The following PTPN3 variants were observed in gnomAD, a reference collection of about 807,000 sequenced individuals.
PTPN3 encodes protein tyrosine phosphatase non-receptor type 3, also known as tyrosine-protein phosphatase non-receptor type 3.
A neutral mutation model predicts 132.7 loss-of-function variants in PTPN3; 96 were observed. The ratio of observed to expected loss-of-function variants is 0.72; its 90% confidence interval spans 0.61 to 0.86. The LOEUF (loss-of-function observed/expected upper bound fraction) is 0.86, where lower values mean the gene tolerates loss of function less well. Ranked by LOEUF, PTPN3 falls within the 40% of genes least tolerant of loss-of-function variation. PTPN3 has a pLI of 0.00. For synonymous variants in PTPN3, 398 were observed against 429.0 expected, an observed-to-expected ratio of 0.93 and a Z score of 0.89; for missense variants, 1,125 against 1,159.6, an observed-to-expected ratio of 0.97 and a Z score of 0.43.
rs1053719309 is a variant in PTPN3, at chr9:109,377,358, T to G, written c.*2198A>C. The G allele has an allele frequency of 6.7e-6, 1 of 150,172 alleles. No individual in the cohort carries two copies. Among genetic ancestry groups the G allele is most frequent in the African/African-American group, 2.5e-5 (1 of 40,302 alleles). 9.3% of individuals were successfully genotyped at this position (150,172 alleles called of 1,614,324 possible). On this transcript the variant is annotated 3_prime_UTR_variant, in exon 26 of 26. Transcript: ENST00000374541. Reference sequence around the variant, plus strand: ...GGAAGATCACTTGAGGCCAGGAGTTTGAGACCAGCCTAGGCAACACATCAA... The same window carrying G: ...GGAAGATCACTTGAGGCCAGGAGTTGGAGACCAGCCTAGGCAACACATCAA...
upstream of PTPN3, among the ~76,000 whole-genome samples, chr9:109,498,603 G>T (rs188301240): frequency 8.3e-4 from 127 of 152,252 alleles, no homozygotes; most frequent in African/African-American, 2.9e-3. The surrounding 1 kb of genome is among the most constrained non-coding windows in gnomAD (Gnocchi z 4.2). Context: ...AGAAGTCGGC[G>T]CCCAAAGAAA....
chr9:109,479,014 T>G (rs1219585079), intron 1 of PTPN3, among the ~76,000 whole-genome samples: 1 of 152,010 alleles, frequency 6.6e-6, no homozygotes, highest in African/African-American at 2.4e-5. Flanking sequence ...CAAGCGTTTT[T>G]TTTTTTTTTA....
chr9:109,382,390 C>T lies in PTPN3; in HGVS notation c.2440G>A (p.Val814Met). 1 of 1,614,184 alleles carries T rather than the reference C, an allele frequency of 6.2e-7. No homozygotes were observed. Among genetic ancestry groups the T allele is most frequent in the South Asian group, 1.1e-5 (1 of 91,084 alleles). ...AGAAAGTCGGAGGAGTCATCGGGCA[C>T]ACCGTGGTCAGGCCATGCGACGTAC... Reference protein sequence around the residue: ...LQYVAWPDHGVPDDSSDFLEF... With the variant: ...LQYVAWPDHGMPDDSSDFLEF... The change falls in exon 24 of 26, where the codon GTG becomes ATG. Residue 814 changes from valine to methionine, a missense_variant. Physicochemically the swap from Val to Met is conservative, Grantham distance 21 (BLOSUM62 1). Transcript: ENST00000374541.
intron 2 of PTPN3, among the ~76,000 whole-genome samples, chr9:109,461,769 A>C (rs1845853453): frequency 6.6e-6 from 1 of 152,104 alleles, no homozygotes. Flanking sequence ...GAAAAAAAAA[A>C]AAAAATTAGT....
chr9:109,379,787 A>G (rs1377761271), intron 25 of PTPN3, among the ~76,000 whole-genome samples, 154 bp from the exon 26 acceptor site: 1 of 152,178 alleles, frequency 6.6e-6, no homozygotes, highest in Non-Finnish European at 1.5e-5. Flanking sequence ...CCTAGTTCCT[A>G]TATGATGCGG....
intron 14 of PTPN3, among the ~76,000 whole-genome samples, chr9:109,418,219 G>A (rs1192083077): frequency 6.6e-6 from 1 of 152,218 alleles, no homozygotes; most frequent in Non-Finnish European, 1.5e-5. Context: ...CAGCTGGCCT[G>A]GAGGCTCCTG....
intron 14 of PTPN3, among the ~76,000 whole-genome samples, chr9:109,419,122 T>C (rs1385863898): frequency 6.6e-6 from 1 of 152,210 alleles, no homozygotes; most frequent in Non-Finnish European, 1.5e-5. Context: ...GAACAAGAGA[T>C]AGCAATCATT....
At chr9:109,388,416 A>G (rs1263351228) in intron 22 of PTPN3, among the ~76,000 whole-genome samples, 1 of 152,212 alleles carries the variant, frequency 6.6e-6, no homozygotes, top group Admixed American at 6.5e-5. Flanking sequence ...CTAATGCAGG[A>G]AACTGACAAA....
rs576658661 is a variant in PTPN3, at chr9:109,447,065, T to C, written c.413+1746A>G. Among the ~76,000 whole-genome samples, 68 of 152,240 alleles carry C rather than the reference T, an allele frequency of 4.5e-4. 1 individual carries two copies. The highest frequency in any genetic ancestry group is 2.1e-3 in the South Asian group (10 of 4,814). On this transcript the variant is annotated intron_variant, in intron 6 of 25. Transcript: ENST00000374541. ...GAGAAGCGTTTGGTAGCAGAGACCC[T>C]CTCCTCAGAGAGGTGGTGAGGACTT...
At chr9:109,380,260 T>TCTATCTAC (rs1838946374) in intron 25 of PTPN3, among the ~76,000 whole-genome samples, 1 of 150,230 alleles carries the variant, frequency 6.7e-6, no homozygotes, top group African/African-American at 2.4e-5. Context: ...TATCTATCTA[T>TCTATCTAC]CTATCTAGTT....
At position 109,410,237 on chromosome 9, in the gene PTPN3, A is replaced by G; in HGVS notation, c.1492T>C (p.Cys498Arg). The G allele has an allele frequency of 1.2e-6, 2 of 1,614,096 alleles. No individual in the cohort carries two copies. The highest frequency in any genetic ancestry group is 1.7e-5 in the Admixed American group (1 of 60,026). ...TGCCTGCGCTCGCTCACCTTGTCAC[A>G]GTAGTACTGGCTGGCGTCCTCGGTG... ...GSTEDASQYY[C>R]DKNDNGDSYL... Residue 498 changes from cysteine to arginine, a missense_variant, in exon 15 of 26, where the codon TGT becomes CGT. Coordinates refer to ENST00000374541, the MANE Select transcript of PTPN3 (RefSeq NM_002829.4).
rs1222640256 is a variant in PTPN3 at position 109,497,888 on chromosome 9, G to A, written c.-18+331C>T. Among the ~76,000 whole-genome samples, 15 of 150,752 alleles carry A rather than the reference G, an allele frequency of 1.0e-4. No homozygotes were observed. The East Asian group carries it at 2.7e-3, about 28-fold the overall frequency. On this transcript the variant is annotated intron_variant, in intron 1 of 25. Coordinates refer to ENST00000374541, the MANE Select transcript of PTPN3 (RefSeq NM_002829.4). ...GGTCCTCCGGAGGTGCCGGACGCAC[G>A]GGCTCCGCGGGTTGCGCCCGCCCCT...
intron 10 of PTPN3, among the ~76,000 whole-genome samples, chr9:109,430,686 T>TGGAA (rs1180261228): frequency 6.6e-6 from 1 of 152,258 alleles, no homozygotes; most frequent in Non-Finnish European, 1.5e-5. Flanking sequence ...GAATGATGCA[T>TGGAA]GGAAGTAAAT....
At chr9:109,389,964 C>G (rs901041790) in intron 21 of PTPN3, among the ~76,000 whole-genome samples, 2 of 152,096 alleles carry the variant, frequency 1.3e-5, no homozygotes, top group African/African-American at 4.8e-5. Context: ...GGACTGAGTC[C>G]TTTTGACGAA....
At chr9:109,402,290 TTTTTTTA>T (rs1385854062) in intron 19 of PTPN3, among the ~76,000 whole-genome samples, 2 of 128,448 alleles carry the variant, frequency 1.6e-5, no homozygotes, top group East Asian at 2.0e-4. Context: ...CATTTCCTTT[TTTTTTTA>T]TTTTTATTTT....
Position 109,377,765 on chromosome 9 carries a change from C to G in PTPN3, c.*1791G>C, listed in dbSNP as rs1838699420. 6.6e-6 allele frequency: 1 copy of G among 152,204 alleles called. No individual in the cohort carries two copies. The highest frequency in any genetic ancestry group is 2.1e-4 in the South Asian group (1 of 4,828). The allele number at this position is 152,204 out of a possible 1,614,324, so 9.4% of individuals were successfully genotyped here. On this transcript the variant is annotated 3_prime_UTR_variant, in exon 26 of 26. Coordinates refer to ENST00000374541, the MANE Select transcript of PTPN3 (RefSeq NM_002829.4). ...GAATAGCGTGATCTTATTCAATCCT[C>G]ATGTTCCAACTAAAGTCCTAAGTAT...
intron 14 of PTPN3, among the ~76,000 whole-genome samples, chr9:109,415,915 C>T (rs867627404): frequency 2.6e-5 from 4 of 152,148 alleles, no homozygotes; most frequent in African/African-American, 4.8e-5. Flanking sequence ...GACATCTACA[C>T]GCAAGTGGAC....
intron 16 of PTPN3, among the ~76,000 whole-genome samples, chr9:109,408,796 A>AATATATATATATATATATATATATAT (rs1219154297): frequency 9.2e-6 from 1 of 108,374 alleles, no homozygotes; most frequent in African/African-American, 3.7e-5. Flanking sequence ...AAAAAAAAAA[A>AATATATATATATATATATATATATAT]ATATATATAT....
At position 109,465,244 on chromosome 9, in the gene PTPN3, C is replaced by A. The variant is rs558586923; in HGVS notation, c.-17-1793G>T. ...GAAAGGTGTGCAACTGAGGACATGACTATATCACGTAGGTGGGAGGATCTA... is the reference window on the plus strand; with the variant it reads ...GAAAGGTGTGCAACTGAGGACATGAATATATCACGTAGGTGGGAGGATCTA... On this transcript the variant is annotated intron_variant, in intron 1 of 25. Coordinates refer to ENST00000374541, the MANE Select transcript of PTPN3 (RefSeq NM_002829.4). Among the ~76,000 whole-genome samples, 3 of 152,316 alleles carry A rather than the reference C, an allele frequency of 2.0e-5. No individual in the cohort carries two copies. The East Asian group carries it at 5.8e-4, about 29-fold the overall frequency.
Sources: allele counts gnomAD v4.1 joint callset (sites outside exome capture counted in the v4.1 genomes callset), GRCh38; gene constraint gnomAD v4.1.1; non-coding constraint Gnocchi (gnomAD v3.1); transcripts MANE v1.5; gene names NCBI Gene and HGNC (gene_info 2026-07-23, HGNC 2026-07-21).